The following COPA variants were observed in gnomAD, a reference collection of about 807,000 sequenced individuals.
The protein encoded by COPA is coatomer subunit alpha.
In COPA, 10 loss-of-function variants were observed where a neutral mutation model predicts 158.7. The observed-to-expected ratio is 0.06, with a 90% confidence interval of 0.04 to 0.11. COPA has a LOEUF of 0.11. Among genes scored for constraint, COPA ranks in the 10% least tolerant of loss-of-function variants. COPA has a pLI of 1.00. For synonymous variants in COPA, 462 were observed against 542.8 expected, an observed-to-expected ratio of 0.85 and a Z score of 2.07; for missense variants, 1,065 against 1,536.7, an observed-to-expected ratio of 0.69 and a Z score of 5.13.
intron 5 of COPA, 151 bp from the exon 6 acceptor site, chr1:160,332,708 T>C (rs989922084): frequency 1.2e-5 from 6 of 497,102 alleles, no homozygotes; most frequent in African/African-American, 9.7e-5. Flanking sequence ...GAACTAATAA[T>C]AATAAGCCCA....
chr1:160,297,448 G>A lies in COPA; in HGVS notation c.2168-10C>T, dbSNP rs748257511. On this transcript the variant is annotated splice_polypyrimidine_tract_variant and intron_variant, in intron 20 of 32. Transcript: ENST00000241704. ...TCCTTTCTGATCTCAGCTGCACCAAGTAAGAGACACCAAGTTAGGTCTTTT... is the reference window on the plus strand; with the variant it reads ...TCCTTTCTGATCTCAGCTGCACCAAATAAGAGACACCAAGTTAGGTCTTTT... The A allele has an allele frequency of 1.9e-6, 3 of 1,613,742 alleles. No individual in the cohort carries two copies. Among genetic ancestry groups the A allele is most frequent in the Admixed American group, 1.7e-5 (1 of 59,974 alleles).
At chr1:160,327,391 G>A (rs533262568) in intron 6 of COPA, among the ~76,000 whole-genome samples, 1 of 151,146 alleles carries the variant, frequency 6.6e-6, no homozygotes, top group East Asian at 2.0e-4. Flanking sequence ...ACAAAAATTA[G>A]TCGGGCATGA....
chr1:160,319,762 G>T (rs1163577064), intron 8 of COPA, among the ~76,000 whole-genome samples: 2 of 151,758 alleles, frequency 1.3e-5, no homozygotes, highest in African/African-American at 4.8e-5. Flanking sequence ...TAAACAACAT[G>T]TTCCTGAAAG....
chr1:160,322,644 A>G (rs1485709720), intron 8 of COPA, among the ~76,000 whole-genome samples: 1 of 152,176 alleles, frequency 6.6e-6, no homozygotes, highest in Non-Finnish European at 1.5e-5. Context: ...ATGAGATATC[A>G]TTTCACCACA....
chr1:160,311,836 G>C (rs747617235), intron 11 of COPA, 32 bp downstream of exon 11: 4 of 1,591,344 alleles, frequency 2.5e-6, no homozygotes, highest in East Asian at 2.2e-5. Flanking sequence ...ACAGATGAGA[G>C]GGTTTGGAGG....
intron 3 of COPA, among the ~76,000 whole-genome samples, chr1:160,336,303 A>G (rs1421189304): frequency 6.6e-6 from 1 of 151,404 alleles, no homozygotes; most frequent in Non-Finnish European, 1.5e-5. Flanking sequence ...ACTGCACTCC[A>G]GCCTGGGCGA....
At chr1:160,297,785 A>G (rs1658462688) in intron 19 of COPA, 40 bp from the exon 20 acceptor site, 3 of 1,593,902 alleles carry the variant, frequency 1.9e-6, no homozygotes, top group Admixed American at 1.8e-5. Context: ...GTTGAAGGAC[A>G]ATGTGACTCA....
chr1:160,310,299 C>CATAAG (rs1241418807), intron 11 of COPA, 41 bp from the exon 12 acceptor site: 1 of 1,327,812 alleles, frequency 7.5e-7, no homozygotes, highest in Non-Finnish European at 1.1e-6. Context: ...AGGGAAGAGG[C>CATAAG]ATAAGAATAG....
chr1:160,306,513 T>C lies in COPA; in HGVS notation c.1303-20A>G. 1 of 1,614,062 alleles carries C rather than the reference T, an allele frequency of 6.2e-7. No homozygotes were observed. Among genetic ancestry groups the C allele is most frequent in the Non-Finnish European group, 8.5e-7 (1 of 1,179,944 alleles). On this transcript the variant is annotated intron_variant, in intron 14 of 32. Coordinates refer to ENST00000241704, the MANE Select transcript of COPA (RefSeq NM_004371.4). ...CAGAAGCTGCAATAAGTATTAAAGA[T>C]GGGGTTAAGAGAAGAAATGTGTATA...
At chr1:160,336,368 T>C (rs1455734047) in intron 3 of COPA, among the ~76,000 whole-genome samples, 1 of 150,718 alleles carries the variant, frequency 6.6e-6, no homozygotes, top group Admixed American at 6.6e-5. Context: ...ATAGATACCA[T>C]GACTCCAAGG....
chr1:160,332,844 T>C (rs1263822718), intron 5 of COPA, among the ~76,000 whole-genome samples: 1 of 152,242 alleles, frequency 6.6e-6, no homozygotes, highest in African/African-American at 2.4e-5. Flanking sequence ...TCAAAATAAA[T>C]GTAATCTCAG....
intron 8 of COPA, among the ~76,000 whole-genome samples, chr1:160,322,575 C>T (rs1164511640): frequency 6.6e-6 from 1 of 152,066 alleles, no homozygotes; most frequent in African/African-American, 2.4e-5. Flanking sequence ...GTCCTTAACA[C>T]AGAGGCTGAA....
At chr1:160,327,789 C>T (rs910514055) in intron 6 of COPA, among the ~76,000 whole-genome samples, 15 of 152,010 alleles carry the variant, frequency 9.9e-5, no homozygotes, top group African/African-American at 1.2e-4. Context: ...ACCCGGGAGA[C>T]GGAGGCTGCG....
chr1:160,341,708 CT>C (rs912937672), intron 1 of COPA, among the ~76,000 whole-genome samples: 7 of 151,636 alleles, frequency 4.6e-5, no homozygotes, highest in African/African-American at 9.7e-5. Flanking sequence ...AGTAACTTAA[CT>C]TTTTTTTTCT....
chr1:160,317,717 T>C lies in COPA; in HGVS notation c.707-3592A>G. 7.8e-6 allele frequency: 11 copies of C among 1,417,112 alleles called. No individual in the cohort carries two copies. The South Asian group carries it at 1.0e-4, about 13-fold the overall frequency. The allele number at this position is 1,417,112 out of a possible 1,614,324, so 87.8% of individuals were successfully genotyped here. A position where few individuals can be genotyped will look rare whatever the true frequency, so the allele number is the denominator to read the frequency against. ...CATTCAACAGTTTAGATATTCTTTTTATTTTTTTTCTTTTCCCTCAATCCT... is the reference window on the plus strand; with the variant it reads ...CATTCAACAGTTTAGATATTCTTTTCATTTTTTTTCTTTTCCCTCAATCCT... On this transcript the variant is annotated intron_variant, in intron 8 of 32. Transcript: ENST00000241704.
chr1:160,329,355 C>T (rs1050301196), intron 6 of COPA, among the ~76,000 whole-genome samples: 5 of 152,188 alleles, frequency 3.3e-5, no homozygotes, highest in African/African-American at 1.2e-4. Context: ...AAGGTTATTA[C>T]ATAGTAATCC....
chr1:160,320,325 C>T (rs984924025), intron 8 of COPA, among the ~76,000 whole-genome samples: 5 of 151,878 alleles, frequency 3.3e-5, no homozygotes, highest in Non-Finnish European at 7.4e-5. Context: ...GATTGAACCA[C>T]GAGGCCAGGG....
intron 6 of COPA, among the ~76,000 whole-genome samples, chr1:160,329,911 G>T (rs1478899220): frequency 6.6e-6 from 1 of 152,144 alleles, no homozygotes; most frequent in African/African-American, 2.4e-5. Context: ...TCAGGAGTTC[G>T]AGACTAGCCT....
At chr1:160,332,644 T>C (rs1647585146) in intron 5 of COPA, 87 bp from the exon 6 acceptor site, 1 of 904,568 alleles carries the variant, frequency 1.1e-6, no homozygotes, top group Non-Finnish European at 1.6e-6. Context: ...ATTCAATAAA[T>C]GCTTATCCAG....
Sources: allele counts gnomAD v4.1 joint callset (sites outside exome capture counted in the v4.1 genomes callset), GRCh38; gene constraint gnomAD v4.1.1; transcripts MANE v1.5; gene names NCBI Gene and HGNC (gene_info 2026-07-23, HGNC 2026-07-21).